Variants in EBF2 observed in about 807,000 individuals in gnomAD.
EBF2 encodes the protein EBF transcription factor 2.
EBF2 carries 21 observed loss-of-function variants against 72.8 expected under a neutral mutation model. The ratio of observed to expected loss-of-function variants is 0.29; its 90% CI spans 0.20 to 0.42. The LOEUF (loss-of-function observed/expected upper bound fraction) is 0.42. Among genes scored for constraint, EBF2 ranks in the 10% least tolerant of loss-of-function variants. EBF2 has a pLI of 1.00. For missense variants in EBF2, 637 were observed against 731.2 expected (o/e 0.87, Z 1.49); for synonymous variants, 299 against 274.2 (o/e 1.09, Z -0.89).
intron 10 of EBF2, among the ~76,000 whole-genome samples, chr8:25,884,639 T>C (rs1802660455): frequency 6.6e-6 from 1 of 152,192 alleles, no homozygotes; most frequent in Non-Finnish European, 1.5e-5. Context: ...CCCGTGAGCT[T>C]AGAGCTGTGC....
At chr8:25,894,564 C>G (rs1373396193) in intron 7 of EBF2, among the ~76,000 whole-genome samples, 1 of 152,152 alleles carries the variant, frequency 6.6e-6, no homozygotes, top group African/African-American at 2.4e-5. Flanking sequence ...TTCTCTCCCC[C>G]TTCTCGTTTT....
rs777062649 is a variant in EBF2, at chr8:26,044,747, G to A, written c.113C>T (p.Ala38Val). 6 of 1,614,104 alleles carry A rather than the reference G, an allele frequency of 3.7e-6. No homozygotes were observed. In the South Asian group the frequency reaches 4.4e-5, roughly 12 times the overall value. Residue 38 changes from alanine to valine, a missense_variant, in exon 1 of 16, where the codon GCT becomes GTT. Physicochemically the swap from Ala to Val is moderately conservative, Grantham distance 64. Coordinates refer to ENST00000520164, the MANE Select transcript of EBF2 (RefSeq NM_022659.4). This position sits in a 1 kb window ranked among gnomAD's most constrained non-coding sequence, Gnocchi z 4.1. ...TCGTTACCTCTGCGCGGCGACATTA[G>A]CGTCCACCACTCCGACATTCCGGAC... ...SWVRNVGVVD[A>V]NVAAQSGVAL...
intron 6 of EBF2, among the ~76,000 whole-genome samples, chr8:25,987,309 T>G (rs1204076501): frequency 6.6e-6 from 1 of 152,194 alleles, no homozygotes; most frequent in Non-Finnish European, 1.5e-5. Flanking sequence ...AAACACTGGT[T>G]GGTACTATTA....
chr8:26,008,438 G>A (rs1804918855), intron 6 of EBF2, among the ~76,000 whole-genome samples: 1 of 152,186 alleles, frequency 6.6e-6, no homozygotes, highest in South Asian at 2.1e-4. Context: ...TTAAGTGGCT[G>A]TTTAAGAGCA....
Position 25,879,529 on chromosome 8 carries a change from T to G in EBF2, c.1009+7226A>C, listed in dbSNP as rs547730725. Among the ~76,000 whole-genome samples the G allele has an allele frequency of 3.9e-5, 6 of 152,248 alleles. No homozygotes were observed. In the South Asian group the frequency reaches 1.0e-3, roughly 26 times the overall value. On this transcript the variant is annotated intron_variant, in intron 10 of 15. Coordinates refer to ENST00000520164, the MANE Select transcript of EBF2 (RefSeq NM_022659.4). The stretch of plus-strand genomic sequence containing the variant: ...ACCTACCCATCTCCTTATAGCTCCA[T>G]CACCCATGTCCAGGGGTGTCTTTGA...
At chr8:25,850,060 C>T (rs1187728303) in intron 15 of EBF2, among the ~76,000 whole-genome samples, 1 of 152,144 alleles carries the variant, frequency 6.6e-6, no homozygotes, top group Non-Finnish European at 1.5e-5. Context: ...TGGTTAATTC[C>T]ATTACCTGCA....
At chr8:25,934,757 G>A (rs537720852) in intron 6 of EBF2, among the ~76,000 whole-genome samples, 4 of 152,324 alleles carry the variant, frequency 2.6e-5, no homozygotes, top group South Asian at 2.1e-4. Context: ...TAGAGCACAC[G>A]TACGTTTGCC....
At chr8:25,918,127 T>C (rs867197463) in intron 6 of EBF2, among the ~76,000 whole-genome samples, 2 of 152,330 alleles carry the variant, frequency 1.3e-5, no homozygotes, top group Middle Eastern at 6.8e-3. Context: ...CATGCAATGT[T>C]GGAGAAAGTG....
At chr8:25,906,934 ATAC>A (rs1479290204) in intron 7 of EBF2, among the ~76,000 whole-genome samples, 1 of 152,048 alleles carries the variant, frequency 6.6e-6, no homozygotes, top group Non-Finnish European at 1.5e-5. Context: ...GGGTTAAAAA[ATAC>A]TACTACTAGT....
At chr8:25,872,999 T>A (rs957108971) in intron 10 of EBF2, among the ~76,000 whole-genome samples, 8 of 152,238 alleles carry the variant, frequency 5.3e-5, no homozygotes, top group African/African-American at 1.9e-4. Context: ...ACAAAGTCTG[T>A]CTTCCATGTG....
intron 6 of EBF2, among the ~76,000 whole-genome samples, chr8:26,012,365 C>A (rs1304552299): frequency 6.6e-6 from 1 of 152,112 alleles, no homozygotes; most frequent in Non-Finnish European, 1.5e-5. Context: ...AGGAATATTA[C>A]ACAAGGAAAA....
intron 6 of EBF2, among the ~76,000 whole-genome samples, chr8:25,977,432 G>A (rs766029972): frequency 1.3e-5 from 2 of 152,078 alleles, no homozygotes; most frequent in Non-Finnish European, 2.9e-5. Flanking sequence ...CACCCCACAT[G>A]CAGAGGGGTG....
intron 6 of EBF2, among the ~76,000 whole-genome samples, chr8:26,012,204 G>A (rs2117235255): frequency 6.6e-6 from 1 of 152,212 alleles, no homozygotes; most frequent in African/African-American, 2.4e-5. Context: ...GTGGGTTGGG[G>A]GAGAAAAAGC....
At chr8:25,960,452 A>G (rs908376267) in intron 6 of EBF2, among the ~76,000 whole-genome samples, 1 of 152,250 alleles carries the variant, frequency 6.6e-6, no homozygotes, top group Admixed American at 6.5e-5. Context: ...ACCTTTATGT[A>G]CACATGAACA....
intron 6 of EBF2, among the ~76,000 whole-genome samples, chr8:25,940,946 C>T (rs1585202608): frequency 6.6e-6 from 1 of 152,104 alleles, no homozygotes; most frequent in South Asian, 2.1e-4. Flanking sequence ...AGGCTGACAG[C>T]AGGGATTATT....
chr8:25,940,354 G>C (rs550693513), intron 6 of EBF2, among the ~76,000 whole-genome samples: 2 of 152,162 alleles, frequency 1.3e-5, no homozygotes, highest in South Asian at 4.1e-4. Flanking sequence ...GGGAGTTGAC[G>C]TGACTTGCCT....
At chr8:25,883,755 T>C (rs1802641684) in intron 10 of EBF2, among the ~76,000 whole-genome samples, 1 of 152,160 alleles carries the variant, frequency 6.6e-6, no homozygotes, top group South Asian at 2.1e-4. Context: ...TTATGATACC[T>C]ACTCATCTCC....
At chr8:25,959,389 G>C (rs1044680618) in intron 6 of EBF2, among the ~76,000 whole-genome samples, 1 of 152,112 alleles carries the variant, frequency 6.6e-6, no homozygotes, top group East Asian at 1.9e-4. Flanking sequence ...ATTTTTTGTA[G>C]AGATAGGATT....
chr8:25,908,629 G>T (rs1803078161), intron 6 of EBF2, 74 bp from the exon 7 acceptor site: 4 of 992,894 alleles, frequency 4.0e-6, no homozygotes, highest in Non-Finnish European at 4.6e-6. Context: ...CATTCCATTA[G>T]ATTTGATTTG....
Sources: gnomAD v4.1 joint callset for allele counts (sites outside exome capture counted in the v4.1 genomes callset) on GRCh38, gnomAD v4.1.1 for gene constraint, Gnocchi (gnomAD v3.1) non-coding constraint, MANE v1.5 for transcripts, NCBI Gene and HGNC (gene_info 2026-07-23, HGNC 2026-07-21) for gene names.